Variants in SLC44A5 observed in about 807,000 individuals in gnomAD.
The protein encoded by SLC44A5 is solute carrier family 44 member 5.
A neutral mutation model predicts 101.8 loss-of-function variants in SLC44A5; 57 were observed. The observed-to-expected ratio is 0.56, with a 90% CI of 0.45 to 0.70. The LOEUF (loss-of-function observed/expected upper bound fraction) is 0.70. Among genes scored for constraint, SLC44A5 ranks in the 30% least tolerant of loss-of-function variants. SLC44A5 has a pLI of 0.00. For synonymous variants in SLC44A5, 281 were observed against 290.9 expected, an observed-to-expected ratio of 0.97 and a Z score of 0.35; for missense variants, 737 against 853.1, an observed-to-expected ratio of 0.86 and a Z score of 1.70.
intron 2 of SLC44A5, among the ~76,000 whole-genome samples, chr1:75,416,218 T>C (rs1338963802): frequency 1.3e-5 from 2 of 152,164 alleles, no homozygotes; most frequent in African/African-American, 4.8e-5. Context: ...GTGTGCAGCC[T>C]AGGGACTTGT....
chr1:75,455,712 CT>C (rs1376809606), intron 2 of SLC44A5, among the ~76,000 whole-genome samples: 1 of 152,120 alleles, frequency 6.6e-6, no homozygotes, highest in Non-Finnish European at 1.5e-5. Flanking sequence ...TGAACAAACA[CT>C]TCTCAAAATA....
chr1:75,265,665 T>C (rs1650925005), intron 6 of SLC44A5, among the ~76,000 whole-genome samples: 1 of 152,140 alleles, frequency 6.6e-6, no homozygotes, highest in African/African-American at 2.4e-5. Flanking sequence ...TAACAAAATA[T>C]CACATGCACC....
chr1:75,620,726 A>G, the SLC44A5 span, among the ~76,000 whole-genome samples: 1 of 152,138 alleles, frequency 6.6e-6, no homozygotes, highest in Non-Finnish European at 1.5e-5. Context: ...GATTCTGGAT[A>G]TTAGCCCTTT....
At chr1:75,554,507 G>A (rs926014346) in intron 1 of SLC44A5, among the ~76,000 whole-genome samples, 2 of 149,936 alleles carry the variant, frequency 1.3e-5, no homozygotes, top group African/African-American at 2.5e-5. Context: ...AGTGTCAGAT[G>A]CCAAAAGGGG....
At chr1:75,215,929 C>A (rs1646952738) in intron 18 of SLC44A5, 72 bp from the exon 19 acceptor site, 3 of 816,616 alleles carry the variant, frequency 3.7e-6, no homozygotes, top group Non-Finnish European at 4.0e-6. Flanking sequence ...AAATATAATA[C>A]AACATTTAAA....
At chr1:75,408,110 A>T (rs1663022256) in intron 2 of SLC44A5, among the ~76,000 whole-genome samples, 1 of 152,232 alleles carries the variant, frequency 6.6e-6, no homozygotes, top group South Asian at 2.1e-4. Flanking sequence ...ACATATGAAA[A>T]AAAGCTCATT....
chr1:75,312,431 G>T (rs1462367616), intron 4 of SLC44A5, among the ~76,000 whole-genome samples: 1 of 152,102 alleles, frequency 6.6e-6, no homozygotes, highest in Non-Finnish European at 1.5e-5. Context: ...ACAGTTCTGA[G>T]AGGTGAGATC....
chr1:75,228,043 A>ATAAATGTTTTCAGTATTTGTCTTGATAAT (rs1364105119), intron 12 of SLC44A5, among the ~76,000 whole-genome samples, 186 bp from the exon 13 acceptor site: 4 of 152,188 alleles, frequency 2.6e-5, no homozygotes, highest in Non-Finnish European at 4.4e-5. Context: ...TGTATTTGAT[A>ATAAATGTTTTCAGTATTTGTCTTGATAAT]TAAATGTTTT....
At chr1:75,249,825 G>C (rs1032903219) in intron 7 of SLC44A5, among the ~76,000 whole-genome samples, 4 of 152,070 alleles carry the variant, frequency 2.6e-5, no homozygotes, top group Non-Finnish European at 5.9e-5. Context: ...AGGCCAGAGA[G>C]GTAGACTATA....
At position 75,203,467 on chromosome 1, in the gene SLC44A5, A is replaced by G. The variant is rs1369506118; in HGVS notation, c.*260T>C. The G allele has an allele frequency of 6.8e-6, 2 of 292,248 alleles. No individual in the cohort carries two copies. The highest frequency in any genetic ancestry group is 4.3e-5 in the African/African-American group (2 of 46,148). 18.1% of individuals were successfully genotyped at this position (292,248 alleles called of 1,614,324 possible). A position where few individuals can be genotyped will look rare whatever the true frequency, so the allele number is the denominator to read the frequency against. On this transcript the variant is annotated 3_prime_UTR_variant, in exon 24 of 24. Coordinates refer to ENST00000370859, the MANE Select transcript of SLC44A5 (RefSeq NM_001130058.2). ...ACATATTCAGTAGTATTTTCAAAACATCCAAGCCACTCTTTAAAAACGAAT... is the reference window on the plus strand; with the variant it reads ...ACATATTCAGTAGTATTTTCAAAACGTCCAAGCCACTCTTTAAAAACGAAT...
At chr1:75,246,429 T>C (rs901021217) in intron 7 of SLC44A5, among the ~76,000 whole-genome samples, 2 of 152,108 alleles carry the variant, frequency 1.3e-5, no homozygotes, top group African/African-American at 4.8e-5. Context: ...ATTTAATAAA[T>C]ATTTACTGAT....
intron 13 of SLC44A5, among the ~76,000 whole-genome samples, chr1:75,223,453 A>C (rs768922903): frequency 6.6e-6 from 1 of 152,198 alleles, no homozygotes; most frequent in African/African-American, 2.4e-5. Flanking sequence ...GTGAAGAAAC[A>C]CTTCATTAAA....
intron 2 of SLC44A5, among the ~76,000 whole-genome samples, chr1:75,527,721 A>T (rs1421116313): frequency 6.6e-6 from 1 of 152,046 alleles, no homozygotes; most frequent in Admixed American, 6.5e-5. Context: ...CTGAGGCAAA[A>T]AAAAAAAATC....
chr1:75,383,358 TC>T (rs1191625821), intron 3 of SLC44A5, among the ~76,000 whole-genome samples: 1 of 147,792 alleles, frequency 6.8e-6, no homozygotes, highest in Admixed American at 6.9e-5. Context: ...TCCCCTTATT[TC>T]TTTCTCTATA....
chr1:75,672,032 C>G, the SLC44A5 span, among the ~76,000 whole-genome samples: 2 of 148,878 alleles, frequency 1.3e-5, no homozygotes, highest in African/African-American at 4.9e-5. Flanking sequence ...CACAGCAACA[C>G]CAAACTGACC....
chr1:75,708,373 C>G, the SLC44A5 span, among the ~76,000 whole-genome samples: 3 of 127,266 alleles, frequency 2.4e-5, no homozygotes, highest in Admixed American at 9.7e-5. Context: ...AAGATGGCGC[C>G]ACTGCACTCC....
At chr1:75,662,192 A>T in the SLC44A5 span, among the ~76,000 whole-genome samples, 1 of 152,092 alleles carries the variant, frequency 6.6e-6, no homozygotes, top group Non-Finnish European at 1.5e-5. Flanking sequence ...AAATCCTGTC[A>T]TTTGCAGCAA....
intron 1 of SLC44A5, among the ~76,000 whole-genome samples, chr1:75,547,873 A>G (rs1454147248): frequency 2.6e-5 from 4 of 152,102 alleles, no homozygotes; most frequent in African/African-American, 9.7e-5. Context: ...TAGTCTTAAA[A>G]AATCTGTAAA....
chr1:75,423,945 G>T (rs971909941), intron 2 of SLC44A5, among the ~76,000 whole-genome samples: 1 of 152,212 alleles, frequency 6.6e-6, no homozygotes, highest in East Asian at 1.9e-4. Flanking sequence ...TAGAAAGGGT[G>T]TTGCTTTGCT....
Sources: allele counts gnomAD v4.1 joint callset (sites outside exome capture counted in the v4.1 genomes callset), GRCh38; gene constraint gnomAD v4.1.1; transcripts MANE v1.5; gene names NCBI Gene and HGNC (gene_info 2026-07-23, HGNC 2026-07-21).